RSPO2: variants seen among roughly 807,000 people sequenced by gnomAD.
The protein encoded by RSPO2 is R-spondin-2.
RSPO2 carries 14 observed loss-of-function variants against 30.9 expected under a neutral mutation model. That is an observed-to-expected ratio of 0.45 (90% CI 0.30 to 0.71). The LOEUF (loss-of-function observed/expected upper bound fraction) is 0.71, where lower values mean the gene tolerates loss of function less well. RSPO2 is among the 30% of genes least tolerant of loss of function. RSPO2 has a pLI of 0.08. For synonymous variants in RSPO2, 107 were observed against 96.4 expected, an observed-to-expected ratio of 1.11 and a Z score of -0.64; for missense variants, 264 against 301.9, an observed-to-expected ratio of 0.87 and a Z score of 0.93.
chr8:108,074,223 G>C (rs1032047379), intron 2 of RSPO2, among the ~76,000 whole-genome samples: 7 of 152,146 alleles, frequency 4.6e-5, no homozygotes, highest in African/African-American at 1.7e-4. Context: ...AATTGAAAAA[G>C]TTTTAAGTAA....
Position 107,988,907 on chromosome 8 carries a change from C to T in RSPO2, c.283+149G>A, listed in dbSNP as rs552115933. 5.7e-6 allele frequency: 4 copies of T among 703,552 alleles called. No individual in the cohort carries two copies. In the South Asian group the frequency reaches 9.3e-5, roughly 16 times the overall value. The allele number at this position is 703,552 out of a possible 1,614,324, so 43.6% of individuals were successfully genotyped here. ...CCTCCCAAAGTGCTGGGATTACAGG[C>T]ATGACCCACCACACCCAGCAAGCTT... On this transcript the variant is annotated intron_variant, in intron 3 of 5. Transcript: ENST00000276659.
chr8:108,077,226 T>C (rs148323124), intron 2 of RSPO2, among the ~76,000 whole-genome samples: 120 of 152,112 alleles, frequency 7.9e-4, no homozygotes, highest in Non-Finnish European at 1.4e-3. Flanking sequence ...AGAAGCCAAA[T>C]AGTAACAGAT....
At chr8:107,960,958 C>G in intron 3 of RSPO2, 141 bp from the exon 4 acceptor site, 1 of 644,922 alleles carries the variant, frequency 1.6e-6, no homozygotes, top group South Asian at 2.1e-5. Flanking sequence ...TCATTTGTTT[C>G]CTAGCGCCAT....
At chr8:108,028,971 T>C (rs1204857145) in intron 2 of RSPO2, among the ~76,000 whole-genome samples, 1 of 138,930 alleles carries the variant, frequency 7.2e-6, no homozygotes, top group Non-Finnish European at 1.6e-5. Context: ...TTTTTTTTTT[T>C]GAATCATGAC....
At chr8:107,981,776 T>C (rs1213714688) in intron 3 of RSPO2, among the ~76,000 whole-genome samples, 1 of 151,946 alleles carries the variant, frequency 6.6e-6, no homozygotes, top group Admixed American at 6.6e-5. Flanking sequence ...GGGAGGATTG[T>C]TTCAGGCCAG....
chr8:108,016,368 C>T (rs763285909), intron 2 of RSPO2, among the ~76,000 whole-genome samples: 25 of 152,282 alleles, frequency 1.6e-4, no homozygotes, highest in Non-Finnish European at 1.8e-4. Context: ...CCCAAGTAAA[C>T]GTCTGTGAAG....
Position 107,964,234 on chromosome 8 carries a change from C to T in RSPO2, c.284-3417G>A, listed in dbSNP as rs546887646. Among the ~76,000 whole-genome samples the T allele has an allele frequency of 1.6e-3, 238 of 152,182 alleles. 1 individual carries two copies. Among genetic ancestry groups the T allele is most frequent in the Non-Finnish European group, 2.7e-3 (186 of 68,038 alleles). Reference sequence around the variant, plus strand: ...ACCCAATATTTTTTATGCATTCATTCGTTCATTCATTCATTCATTCATTTA... The same window carrying T: ...ACCCAATATTTTTTATGCATTCATTTGTTCATTCATTCATTCATTCATTTA... On this transcript the variant is annotated intron_variant, in intron 3 of 5. Transcript: ENST00000276659.
chr8:107,933,061 C>G (rs1015306170), intron 5 of RSPO2, among the ~76,000 whole-genome samples: 2 of 152,148 alleles, frequency 1.3e-5, no homozygotes, highest in Non-Finnish European at 2.9e-5. Flanking sequence ...CTACAGAACA[C>G]CAAAACACCA....
rs60724636 is a variant in RSPO2 at position 108,026,865 on chromosome 8, C to CA, written c.95-37622dup. Among the ~76,000 whole-genome samples, 741 of 146,606 alleles carry CA rather than the reference C, an allele frequency of 5.1e-3. 4 individuals carry two copies. Among genetic ancestry groups the CA allele is most frequent in the East Asian group, 0.015 (77 of 5,052 alleles). On this transcript the variant is annotated intron_variant, in intron 2 of 5. Coordinates refer to ENST00000276659, the MANE Select transcript of RSPO2 (RefSeq NM_178565.5). The stretch of plus-strand genomic sequence containing the variant: ...TGTGTGACAGAGCGAGACTCCATCT[C>CA]AAAAAAAAAATACTAACAATTAAGG...
intron 2 of RSPO2, among the ~76,000 whole-genome samples, chr8:107,999,230 G>C (rs1339599984): frequency 6.6e-6 from 1 of 151,706 alleles, no homozygotes; most frequent in Non-Finnish European, 1.5e-5. Flanking sequence ...TATCAATTAG[G>C]AATAAAAGAT....
rs186559609 is a variant in RSPO2, at chr8:107,960,455, G to A, written c.427+219C>T. 2.4e-3 allele frequency among the ~76,000 whole-genome samples: 365 copies of A among 152,186 alleles called. 10 individuals are homozygous for A. The highest frequency in any genetic ancestry group is 0.02 in the Admixed American group (303 of 15,268). ...AAAAAACCTTGTTAGCACTTAAGTAGATTAACCTAGCAAATGCACAACTAG... is the reference window on the plus strand; with the variant it reads ...AAAAAACCTTGTTAGCACTTAAGTAAATTAACCTAGCAAATGCACAACTAG... On this transcript the variant is annotated intron_variant, in intron 4 of 5. Coordinates refer to ENST00000276659, the MANE Select transcript of RSPO2 (RefSeq NM_178565.5).
chr8:108,001,201 A>G (rs1586616401), intron 2 of RSPO2, among the ~76,000 whole-genome samples: 1 of 151,984 alleles, frequency 6.6e-6, no homozygotes, highest in South Asian at 2.1e-4. Flanking sequence ...CAAAAAAAGG[A>G]AAGAAATTCT....
At chr8:108,029,374 T>C (rs1444793277) in intron 2 of RSPO2, among the ~76,000 whole-genome samples, 1 of 152,140 alleles carries the variant, frequency 6.6e-6, no homozygotes, top group Admixed American at 6.5e-5. Context: ...ATAGATGCTG[T>C]TTATTGCTAA....
intron 3 of RSPO2, chr8:107,983,022 A>T: frequency 1.2e-6 from 1 of 849,908 alleles, no homozygotes; most frequent in East Asian, 2.7e-5. Flanking sequence ...GAGGGGCCAC[A>T]GTCTCTGCGG....
At chr8:107,960,559 C>A in intron 4 of RSPO2, 115 bp downstream of exon 4, 1 of 994,854 alleles carries the variant, frequency 1.0e-6, no homozygotes, top group East Asian at 2.5e-5. Context: ...TTCAGTTCTA[C>A]TGAACAAGAG....
At chr8:108,053,286 G>A (rs1812130418) in intron 2 of RSPO2, among the ~76,000 whole-genome samples, 1 of 152,032 alleles carries the variant, frequency 6.6e-6, no homozygotes, top group African/African-American at 2.4e-5. Flanking sequence ...ATCTCCTCTG[G>A]CCTGTCTTCC....
intron 2 of RSPO2, among the ~76,000 whole-genome samples, chr8:108,058,811 C>A (rs1295073326): frequency 5.3e-5 from 8 of 151,746 alleles, no homozygotes; most frequent in Admixed American, 2.0e-4. Flanking sequence ...AAAGCTGAAA[C>A]CGGATCCCTT....
chr8:107,960,795 A>G lies in RSPO2; in HGVS notation c.306T>C (p.Asp102=), dbSNP rs1233931067. The G allele has an allele frequency of 6.2e-7, 1 of 1,605,784 alleles. No homozygotes were observed. The highest frequency in any genetic ancestry group is 2.2e-5 in the East Asian group (1 of 44,744). The change falls in exon 4 of 6, where the codon GAT becomes GAC. Residue 102 remains aspartate (D), a synonymous_variant. Transcript: ENST00000276659. ...RCARCRIENC[D]SCFSKDFCTK... is the part of the protein sequence containing the mutation. ...TACAAAAGTCTTTGCTAAAGCAAGA[A>G]TCACAGTTTTCTATTCTGCATCCTA...
intron 5 of RSPO2, among the ~76,000 whole-genome samples, chr8:107,932,093 A>G (rs1185196195): frequency 6.6e-6 from 1 of 152,192 alleles, no homozygotes; most frequent in Non-Finnish European, 1.5e-5. Flanking sequence ...TTTCAAGGTA[A>G]TACCCAGAAG....
Sources: allele counts gnomAD v4.1 joint callset (sites outside exome capture counted in the v4.1 genomes callset), GRCh38; gene constraint gnomAD v4.1.1; transcripts MANE v1.5; gene names NCBI Gene and HGNC (gene_info 2026-07-23, HGNC 2026-07-21).